The following ADCY1 variants were observed in gnomAD, a reference collection of about 807,000 sequenced individuals.
ADCY1 encodes adenylate cyclase 1, also known as adenylate cyclase type 1.
In ADCY1, 28 loss-of-function variants were observed where a neutral mutation model predicts 105.4. That is an observed-to-expected ratio of 0.27 (90% CI 0.20 to 0.36). The LOEUF (loss-of-function observed/expected upper bound fraction) is 0.36. ADCY1 is among the 10% of genes least tolerant of loss of function. The probability of loss-of-function intolerance (pLI) is 1.00; values close to 1 mark genes in which losing one functional copy is unlikely to be tolerated. For missense variants in ADCY1, 977 were observed against 1,434.2 expected (o/e 0.68, Z 5.15); for synonymous variants, 655 against 623.8 (o/e 1.05, Z -0.75).
At chr7:45,711,621 A>ATATATGTATATATG (rs1486420687) in intron 19 of ADCY1, among the ~76,000 whole-genome samples, 6 of 36,984 alleles carry the variant, frequency 1.6e-4, no homozygotes, top group African/African-American at 4.6e-4. Context: ...ATATATATAT[A>ATATATGTATATATG]TATATATATA....
chr7:45,681,882 G>A (rs1450455976), intron 11 of ADCY1, among the ~76,000 whole-genome samples: 1 of 152,156 alleles, frequency 6.6e-6, no homozygotes, highest in African/African-American at 2.4e-5. Context: ...AGAAGGCCGG[G>A]TAGAAATGTT....
Position 45,575,252 on chromosome 7 carries a change from A to G in ADCY1, c.639+70A>G. 1 of 1,499,842 alleles carries G rather than the reference A, an allele frequency of 6.7e-7. No homozygotes were observed. Among genetic ancestry groups the G allele is most frequent in the Non-Finnish European group, 8.8e-7 (1 of 1,131,216 alleles). The allele number at this position is 1,499,842 out of a possible 1,614,324, so 92.9% of individuals were successfully genotyped here. On this transcript the variant is annotated intron_variant, in intron 1 of 19. Transcript: ENST00000297323. This position sits in a 1 kb window ranked among gnomAD's most constrained non-coding sequence, Gnocchi z 4.7. The stretch of plus-strand genomic sequence containing the variant: ...CTGGGACGATGCTGGGAATGCCCGG[A>G]GTCGGGCGCGCTTTTTCCTATGCGG...
Position 45,647,392 on chromosome 7 carries a change from A to T in ADCY1, c.1021-1278A>T, listed in dbSNP as rs528831762. On this transcript the variant is annotated intron_variant, in intron 4 of 19. Coordinates refer to ENST00000297323, the MANE Select transcript of ADCY1 (RefSeq NM_021116.4). This position sits in a 1 kb window ranked among gnomAD's most constrained non-coding sequence, Gnocchi z 4.6. ...AGCTGATGATTCTCATTCCAAATGC[A>T]CTTGTGTTAACTCAGCATTCGACAG... is the stretch of plus-strand genomic sequence containing the variant. Among the ~76,000 whole-genome samples, 8 of 152,312 alleles carry T rather than the reference A, an allele frequency of 5.3e-5. No individual in the cohort carries two copies. In the East Asian group the frequency reaches 9.7e-4, roughly 18 times the overall value.
intron 5 of ADCY1, among the ~76,000 whole-genome samples, chr7:45,656,138 A>T (rs1262618224): frequency 2.6e-5 from 4 of 151,814 alleles, no homozygotes; most frequent in African/African-American, 4.8e-5. Flanking sequence ...ATACAAAAAA[A>T]AAATAAAAAT....
intron 6 of ADCY1, among the ~76,000 whole-genome samples, chr7:45,658,401 G>A (rs1399634819): frequency 2.6e-5 from 4 of 152,138 alleles, no homozygotes; most frequent in South Asian, 2.1e-4. Flanking sequence ...GCTGTGCACC[G>A]TGGCAGGCTC....
At chr7:45,607,205 A>G (rs1793400726) in intron 2 of ADCY1, among the ~76,000 whole-genome samples, 1 of 152,204 alleles carries the variant, frequency 6.6e-6, no homozygotes, top group South Asian at 2.1e-4. Flanking sequence ...ACAGTGGCTT[A>G]CAGAAGTAAC....
rs747813710 is a variant in ADCY1, at chr7:45,719,812, G to A, written c.*5817G>A. On this transcript the variant is annotated 3_prime_UTR_variant, in exon 20 of 20. Coordinates refer to ENST00000297323, the MANE Select transcript of ADCY1 (RefSeq NM_021116.4). Reference sequence around the variant, plus strand: ...TTGGGGAACCATCCCCGAATGCCCTGATGTGATTTCCCTCAGAAAATCCTT... The same window carrying A: ...TTGGGGAACCATCCCCGAATGCCCTAATGTGATTTCCCTCAGAAAATCCTT... The A allele has an allele frequency of 1.3e-5, 2 of 152,206 alleles. No individual in the cohort carries two copies. The highest frequency in any genetic ancestry group is 2.9e-5 in the Non-Finnish European group (2 of 68,026). 9.4% of individuals were successfully genotyped at this position (152,206 alleles called of 1,614,324 possible).
intron 5 of ADCY1, among the ~76,000 whole-genome samples, chr7:45,650,844 G>A (rs1006810030): frequency 2.4e-4 from 37 of 152,150 alleles, no homozygotes; most frequent in African/African-American, 8.9e-4. Flanking sequence ...AGGAAGCCCT[G>A]CGTCTACGCT....
intron 7 of ADCY1, 145 bp from the exon 8 acceptor site, chr7:45,661,914 C>A (rs1795117323): frequency 1.9e-5 from 19 of 982,454 alleles, no homozygotes; most frequent in Non-Finnish European, 2.8e-5. Context: ...GGCACGTTCC[C>A]CAATGCCTGG....
At chr7:45,670,375 A>G (rs1020619574) in intron 8 of ADCY1, among the ~76,000 whole-genome samples, 3 of 152,246 alleles carry the variant, frequency 2.0e-5, no homozygotes, top group African/African-American at 7.2e-5. Context: ...CCCAGGACAC[A>G]GCAGGTGAGC....
Position 45,714,682 on chromosome 7 carries a change from A to T in ADCY1, c.*687A>T, listed in dbSNP as rs1354097972. 3.3e-5 allele frequency: 5 copies of T among 152,712 alleles called. No homozygotes were observed. The highest frequency in any genetic ancestry group is 7.3e-5 in the Non-Finnish European group (5 of 68,080). The allele number at this position is 152,712 out of a possible 1,614,324, so 9.5% of individuals were successfully genotyped here. A position where few individuals can be genotyped will look rare whatever the true frequency, so the allele number is the denominator to read the frequency against. ...AGCGTGGTTTTTTGCTAAGAGCCAG[A>T]GGCAGGTCTTCTGGAGTTCTCAGGG... On this transcript the variant is annotated 3_prime_UTR_variant, in exon 20 of 20. Coordinates refer to ENST00000297323, the MANE Select transcript of ADCY1 (RefSeq NM_021116.4).
At chr7:45,600,817 G>T (rs1793209364) in intron 2 of ADCY1, among the ~76,000 whole-genome samples, 1 of 152,128 alleles carries the variant, frequency 6.6e-6, no homozygotes, top group African/African-American at 2.4e-5. Flanking sequence ...GCACACCCTT[G>T]GTGTCTCTCT....
At chr7:45,713,604 C>T in intron 19 of ADCY1, 89 bp from the exon 20 acceptor site, 1 of 698,994 alleles carries the variant, frequency 1.4e-6, no homozygotes, top group Admixed American at 1.9e-5. Flanking sequence ...GGGTGGACAG[C>T]AACAGATGCA....
chr7:45,610,270 G>A (rs1412447250), intron 2 of ADCY1, 109 bp from the exon 3 acceptor site: 13 of 910,674 alleles, frequency 1.4e-5, no homozygotes, highest in South Asian at 9.3e-5. Context: ...CCCTGGACGT[G>A]GGCCTACCCA....
intron 14 of ADCY1, among the ~76,000 whole-genome samples, chr7:45,694,026 T>G (rs1784830836): frequency 8.0e-6 from 1 of 125,778 alleles, no homozygotes; most frequent in Non-Finnish European, 1.6e-5. Flanking sequence ...GATGACACAT[T>G]AGTGGGTGCA....
At chr7:45,648,387 T>C (rs1261992185) in intron 4 of ADCY1, among the ~76,000 whole-genome samples, 1 of 152,112 alleles carries the variant, frequency 6.6e-6, no homozygotes, top group Non-Finnish European at 1.5e-5. Flanking sequence ...TCCTGTAGGG[T>C]TGGCTCAGTG....
At chr7:45,684,340 A>G (rs1045373505) in intron 11 of ADCY1, 2 of 152,244 alleles carry the variant, frequency 1.3e-5, no homozygotes, top group African/African-American at 2.4e-5. Context: ...TGTGGGGGTT[A>G]AAGGAATAAC....
intron 2 of ADCY1, among the ~76,000 whole-genome samples, chr7:45,593,621 G>A (rs1453810886): frequency 6.6e-6 from 1 of 152,220 alleles, no homozygotes; most frequent in Non-Finnish European, 1.5e-5. Context: ...CATTCCAGGT[G>A]CCTTCACTGG....
At chr7:45,665,934 G>A (rs1784243293) in intron 8 of ADCY1, among the ~76,000 whole-genome samples, 1 of 152,134 alleles carries the variant, frequency 6.6e-6, no homozygotes, top group African/African-American at 2.4e-5. Context: ...GTATTTCTTT[G>A]TAGTGGAATT....
Sources: gnomAD v4.1 joint callset for allele counts (sites outside exome capture counted in the v4.1 genomes callset) on GRCh38, gnomAD v4.1.1 for gene constraint, Gnocchi (gnomAD v3.1) non-coding constraint, MANE v1.5 for transcripts, NCBI Gene and HGNC (gene_info 2026-07-23, HGNC 2026-07-21) for gene names.